Variants in ROBO1 observed in about 807,000 individuals in gnomAD.
The protein encoded by ROBO1 is roundabout homolog 1.
A neutral mutation model predicts 195.9 loss-of-function variants in ROBO1; 149 were observed. The observed-to-expected ratio is 0.76, with a 90% CI of 0.67 to 0.87. ROBO1 has a LOEUF of 0.87. Among genes scored for constraint, ROBO1 ranks in the 40% least tolerant of loss-of-function variants. The pLI, the probability that ROBO1 is intolerant of heterozygous loss-of-function variation, is 0.00. For missense variants in ROBO1, 1,933 were observed against 2,068.3 expected (o/e 0.93, Z 1.27); for synonymous variants, 816 against 733.2 (o/e 1.11, Z -1.82).
At chr3:79,687,555 A>C (rs1294311077) in intron 1 of ROBO1, among the ~76,000 whole-genome samples, 2 of 152,112 alleles carry the variant, frequency 1.3e-5, no homozygotes, top group Non-Finnish European at 1.5e-5. Context: ...AAAAAGTGGG[A>C]GAAGGATATG....
At chr3:79,614,960 T>C (rs1435182695) in intron 1 of ROBO1, among the ~76,000 whole-genome samples, 3 of 152,128 alleles carry the variant, frequency 2.0e-5, no homozygotes, top group African/African-American at 7.2e-5. Context: ...AAATAGAATT[T>C]TGAGCACTCT....
chr3:79,499,941 G>A (rs2107493791), intron 2 of ROBO1, among the ~76,000 whole-genome samples: 1 of 152,038 alleles, frequency 6.6e-6, no homozygotes, highest in Non-Finnish European at 1.5e-5. Flanking sequence ...CGAGTAGCTG[G>A]GATTGCAGGC....
intron 28 of ROBO1, among the ~76,000 whole-genome samples, chr3:78,610,153 C>T (rs1354094587): frequency 6.6e-6 from 1 of 152,156 alleles, no homozygotes; most frequent in Non-Finnish European, 1.5e-5. Flanking sequence ...GCCAATAGCA[C>T]TAATTTTCCC....
intron 8 of ROBO1, among the ~76,000 whole-genome samples, chr3:78,701,975 T>C (rs1271114844): frequency 1.3e-5 from 2 of 152,208 alleles, no homozygotes; most frequent in Non-Finnish European, 2.9e-5. Flanking sequence ...CAAATTAAAG[T>C]GCTCATGGTA....
At chr3:79,725,223 CTTTTTT>C (rs35418345) in intron 1 of ROBO1, among the ~76,000 whole-genome samples, 3 of 106,508 alleles carry the variant, frequency 2.8e-5, no homozygotes, top group South Asian at 3.2e-4. Flanking sequence ...CTCTCTTCTT[CTTTTTT>C]TTTTTTTTTT....
At chr3:78,774,959 AAACTTT>A (rs1263146837) in intron 4 of ROBO1, among the ~76,000 whole-genome samples, 1 of 152,198 alleles carries the variant, frequency 6.6e-6, no homozygotes, top group Non-Finnish European at 1.5e-5. Context: ...CCATATCATA[AAACTTT>A]AACTTTACCT....
chr3:79,268,644 C>G (rs7625971), intron 2 of ROBO1, among the ~76,000 whole-genome samples: 8,851 of 151,658 alleles, frequency 0.058, 387 homozygotes, highest in African/African-American at 0.12. Context: ...TAAGAGTTTG[C>G]ATTGACAAAA....
At chr3:79,438,096 C>T (rs924462387) in intron 2 of ROBO1, among the ~76,000 whole-genome samples, 1 of 151,796 alleles carries the variant, frequency 6.6e-6, no homozygotes, top group African/African-American at 2.4e-5. Flanking sequence ...GTCTATCCAC[C>T]TGTCTATCTA....
At chr3:79,399,739 A>T (rs1420388643) in intron 2 of ROBO1, among the ~76,000 whole-genome samples, 1 of 152,192 alleles carries the variant, frequency 6.6e-6, no homozygotes, top group Non-Finnish European at 1.5e-5. Context: ...TTTCAGGTTG[A>T]CAGAAGAGCA....
chr3:78,717,830 T>A lies in ROBO1; in HGVS notation c.711A>T (p.Lys237Asn). 1 of 1,613,708 alleles carries A rather than the reference T, an allele frequency of 6.2e-7. No homozygotes were observed. Among genetic ancestry groups the A allele is most frequent in the Non-Finnish European group, 8.5e-7 (1 of 1,179,736 alleles). The change falls in exon 6 of 31, where the codon AAA becomes AAT. Residue 237 changes from lysine (K) to asparagine (N), a missense_variant. Lys to Asn is a moderately conservative substitution (Grantham distance 94, BLOSUM62 0). Coordinates refer to ENST00000464233, the MANE Select transcript of ROBO1 (RefSeq NM_002941.4). Reference protein sequence around the residue: ...ITYTRKSDAGKYVCVGTNMVG... With the variant: ...ITYTRKSDAGNYVCVGTNMVG... ...CCATATTGGTACCAACACAAACATA[T>A]TTGCCAGCGTCACTTTTACGGGTGT...
In ROBO1 at chr3:78,847,508, G is replaced by A. The variant is rs79726866; in HGVS notation, c.499+91093C>T. Among the ~76,000 whole-genome samples, 107 of 152,232 alleles carry A rather than the reference G, an allele frequency of 7.0e-4. 3 individuals are homozygous for A. In the East Asian group the frequency reaches 0.02, roughly 29 times the overall value. On this transcript the variant is annotated intron_variant, in intron 4 of 30. Coordinates refer to ENST00000464233, the MANE Select transcript of ROBO1 (RefSeq NM_002941.4). ...ATGCCTCCAGGAACCTGTAAGGGAA[G>A]CTATGCCAAAATATCTGGGTGGAGC...
chr3:79,011,678 A>AAT (rs200573699), intron 3 of ROBO1, among the ~76,000 whole-genome samples: 1 of 148,210 alleles, frequency 6.7e-6, no homozygotes, highest in African/African-American at 2.5e-5. Context: ...TTTATATATA[A>AAT]ATATATATGT....
intron 2 of ROBO1, among the ~76,000 whole-genome samples, chr3:79,237,855 C>T (rs2082442184): frequency 6.6e-6 from 1 of 152,164 alleles, no homozygotes; most frequent in African/African-American, 2.4e-5. Flanking sequence ...CCATGATCCA[C>T]TTAACCTAAT....
rs2038548679 is a variant in ROBO1 at position 79,428,626 on chromosome 3, TAGA to T, written c.88+161195_88+161197del. Reference sequence around the variant, plus strand: ...ATCATAGACTCAGCAATTCTGCTCTTAGAAGTTTTACCCAAGAGAAAAGGAAAA... The same window carrying T: ...ATCATAGACTCAGCAATTCTGCTCTTAGTTTTACCCAAGAGAAAAGGAAAA... On this transcript the variant is annotated intron_variant, in intron 2 of 30. Transcript: ENST00000464233. Among the ~76,000 whole-genome samples the T allele has an allele frequency of 2.0e-5, 3 of 152,266 alleles. No homozygotes were observed. The South Asian group carries it at 6.2e-4, about 32-fold the overall frequency.
intron 26 of ROBO1, among the ~76,000 whole-genome samples, chr3:78,619,451 G>A (rs565866713): frequency 2.6e-5 from 4 of 151,594 alleles, no homozygotes; most frequent in Admixed American, 1.3e-4. Context: ...AGTGAATGTC[G>A]GCACCTCTCC....
intron 2 of ROBO1, among the ~76,000 whole-genome samples, chr3:79,445,418 C>T (rs532755318): frequency 6.7e-5 from 10 of 149,616 alleles, no homozygotes; most frequent in Admixed American, 5.3e-4. Flanking sequence ...GAACTATATA[C>T]GTAGTAATGT....
chr3:79,381,403 G>T (rs928111689), intron 2 of ROBO1, among the ~76,000 whole-genome samples: 1 of 121,118 alleles, frequency 8.3e-6, no homozygotes, highest in Non-Finnish European at 1.8e-5. Context: ...GAAAAGAAAA[G>T]AAATGCTCAT....
intron 16 of ROBO1, chr3:78,660,471 A>G (rs1707326025): frequency 6.5e-6 from 1 of 152,802 alleles, no homozygotes; most frequent in African/African-American, 2.4e-5. Context: ...TTATACAGCC[A>G]AAGTGACAAA....
chr3:79,401,360 G>A (rs779899370), intron 2 of ROBO1, among the ~76,000 whole-genome samples: 3 of 151,796 alleles, frequency 2.0e-5, no homozygotes, highest in Admixed American at 6.6e-5. Flanking sequence ...GTAAGAATTG[G>A]TATTCAGTCC....
Sources: gnomAD v4.1 joint callset for allele counts (sites outside exome capture counted in the v4.1 genomes callset) on GRCh38, gnomAD v4.1.1 for gene constraint, MANE v1.5 for transcripts, NCBI Gene and HGNC (gene_info 2026-07-23, HGNC 2026-07-21) for gene names.